The following APOB variants were observed in gnomAD, a reference collection of about 807,000 sequenced individuals.
The protein encoded by APOB is apolipoprotein B-100.
A neutral mutation model predicts 314.1 loss-of-function variants in APOB; 153 were observed. The observed-to-expected ratio is 0.49, with a 90% confidence interval of 0.43 to 0.56. APOB has a LOEUF of 0.56. APOB is among the 20% of genes least tolerant of loss of function. The pLI, the probability that APOB is intolerant of heterozygous loss-of-function variation, is 0.00. For synonymous variants in APOB, 2,087 were observed against 2,036.4 expected (o/e 1.02, Z -0.67); for missense variants, 5,430 against 5,350.7 (o/e 1.01, Z -0.46).
chr2:21,029,933 T>C lies in APOB; in HGVS notation c.1435A>G (p.Thr479Ala). ...AAATAGGTGTAATCTTCATCCCCAG[T>C]GCAGTCATCTTGAATCTGTTCCATC... ...YLMEQIQDDCTGDEDYTYLIL... is the reference protein window; with the variant it reads ...YLMEQIQDDCAGDEDYTYLIL... Residue 479 changes from threonine (T) to alanine (A), a missense_variant, in exon 11 of 29, where the codon ACT becomes GCT. By Grantham distance (58) the Thr-to-Ala change is moderately conservative (BLOSUM62 0). Transcript: ENST00000233242. The C allele has an allele frequency of 6.2e-7, 1 of 1,614,032 alleles. No homozygotes were observed. Among genetic ancestry groups the C allele is most frequent in the Non-Finnish European group, 8.5e-7 (1 of 1,179,902 alleles).
intron 20 of APOB, 126 bp downstream of exon 20, chr2:21,018,866 G>T: frequency 1.4e-6 from 2 of 1,389,262 alleles, no homozygotes; most frequent in Non-Finnish European, 1.0e-6. Flanking sequence ...CTTAGAATAG[G>T]CCTGCCGCTT....
intron 5 of APOB, 39 bp from the exon 6 acceptor site, chr2:21,037,294 G>C: frequency 6.2e-7 from 1 of 1,605,862 alleles, no homozygotes; most frequent in Non-Finnish European, 8.5e-7. Context: ...TATTCAACAC[G>C]GGCAACATCC....
rs1015327299 is a variant in APOB at position 21,007,699 on chromosome 2, T to G, written c.9169A>C (p.Lys3057Gln). 1 of 1,614,090 alleles carries G rather than the reference T, an allele frequency of 6.2e-7. No homozygotes were observed. The highest frequency in any genetic ancestry group is 8.5e-7 in the Non-Finnish European group (1 of 1,179,956). Residue 3057 changes from lysine to glutamine, a missense_variant, in exon 26 of 29, where the codon AAA (lysine) becomes CAA (glutamine). Physicochemically the swap from Lys to Gln is moderately conservative, Grantham distance 53. This residue lies in a region of APOB where 3,281 missense variants were observed against 3,171.0 expected (regional missense o/e 1.03). Transcript: ENST00000233242. ...TASTNNEGNLKVRFPLRLTGK... is the reference protein window; with the variant it reads ...TASTNNEGNLQVRFPLRLTGK... ...GTTAACCTTAATGGAAAACGAACTT[T>G]CAAATTCCCTTCATTGTTTGTGGAT... is the stretch of plus-strand genomic sequence containing the variant.
chr2:21,019,948 A>G, intron 18 of APOB, 43 bp from the exon 19 acceptor site: 1 of 1,594,332 alleles, frequency 6.3e-7, no homozygotes. Flanking sequence ...CAAGTCATGA[A>G]TCAAAATGGA....
chr2:21,002,316 TC>T lies in APOB; in HGVS notation c.13105del (p.Glu4369LysfsTer25), dbSNP rs1663005062. 1 of 1,613,010 alleles carries T rather than the reference TC, an allele frequency of 6.2e-7. No homozygotes were observed. The highest frequency in any genetic ancestry group is 8.5e-7 in the Non-Finnish European group (1 of 1,179,774). ...GATCTGCTGTAACTCTTGAGAAGCT[TC>T]CTGAAGCTCGTTTTGAATAAATTCA... ...FNEFIQNELQEASQELQQIHQ... is the reference protein window; with the variant it reads ...FNEFIQNELQXASQELQQIHQ... On this transcript the variant is annotated frameshift_variant, in exon 29 of 29. Coordinates refer to ENST00000233242, the MANE Select transcript of APOB (RefSeq NM_000384.3). LOFTEE classifies it low-confidence loss of function (END_TRUNC).
At position 21,011,146 on chromosome 2, in the gene APOB, C is replaced by A. The variant is rs751368655; in HGVS notation, c.5722G>T (p.Asp1908Tyr). Residue 1908 changes from aspartate (D) to tyrosine (Y), a missense_variant, in exon 26 of 29, where the codon GAT (aspartate) becomes TAT (tyrosine). This residue lies in a region of APOB where 3,281 missense variants were observed against 3,171.0 expected (regional missense o/e 1.03). Transcript: ENST00000233242. ...SVMAPFTMTI[D>Y]AHTNGNGKLA... ...TTCCCATTGCCATTTGTATGTGCAT[C>A]GATGGTCATGGTAAACGGGGCCATT... The A allele has an allele frequency of 2.5e-6, 4 of 1,614,050 alleles. No individual in the cohort carries two copies. Among genetic ancestry groups the A allele is most frequent in the Non-Finnish European group, 3.4e-6 (4 of 1,180,024 alleles).
chr2:21,010,439 AGTCAGTTTCTCCTTGGCATGTGAAACTT>A lies in APOB; in HGVS notation c.6401_6428del (p.Gln2134LeufsTer18). The A allele has an allele frequency of 2.5e-6, 4 of 1,606,400 alleles. No individual in the cohort carries two copies. The highest frequency in any genetic ancestry group is 3.4e-6 in the Non-Finnish European group (4 of 1,174,866). On this transcript the variant is annotated frameshift_variant, in exon 26 of 29. Coordinates refer to ENST00000233242, the MANE Select transcript of APOB (RefSeq NM_000384.3). LOFTEE classifies it high-confidence loss of function. The stretch of plus-strand genomic sequence containing the variant: ...TAATTCTATACTTTTTTGTGAGAGC[AGTCAGTTTCTCCTTGGCATGTGAAACTT>A]GTCTCTCCCAATTGAATGAATTCAG...
intron 18 of APOB, among the ~76,000 whole-genome samples, chr2:21,021,383 T>C (rs1663602867): frequency 6.6e-6 from 1 of 152,224 alleles, no homozygotes; most frequent in African/African-American, 2.4e-5. Context: ...CATAGGATCG[T>C]AAGAGATGTC....
intron 12 of APOB, 80 bp downstream of exon 12, chr2:21,029,559 T>C (rs770049846): frequency 1.4e-4 from 214 of 1,489,098 alleles, no homozygotes; most frequent in Non-Finnish European, 1.9e-4. Context: ...GTAGATGAAA[T>C]CTAGAGTCTC....
At position 21,027,917 on chromosome 2, in the gene APOB, T is replaced by C. The variant is rs374486080; in HGVS notation, c.1978A>G (p.Ile660Val). 1 of 1,614,038 alleles carries C rather than the reference T, an allele frequency of 6.2e-7. No homozygotes were observed. ...GGAAGGTAGTTATTTGGATCAAATA[T>C]AAGATTCCCTTCTATTTTGGCTGAG... ...PASAKIEGNL[I>V]FDPNNYLPKE... The change falls in exon 14 of 29, where the codon ATA (isoleucine) becomes GTA (valine). Residue 660 changes from isoleucine to valine, a missense_variant. By Grantham distance (29) the Ile-to-Val change is conservative. This residue lies in a region of APOB where 2,085 missense variants were observed against 2,079.7 expected (regional missense o/e 1.00). Transcript: ENST00000233242.
rs144806800 is a variant in APOB, at chr2:21,022,956, A to C, written c.2691T>G (p.Ser897Arg). ...MGIIIPDFAR[S>R]GVQMNTNFFH... Reference sequence around the variant, plus strand: ...AGAAGTTGGTGTTCATCTGGACCCCACTCCTAGCGAAGTCCGGAATGATGA... The same window carrying C: ...AGAAGTTGGTGTTCATCTGGACCCCCCTCCTAGCGAAGTCCGGAATGATGA... The change falls in exon 18 of 29, where the codon AGT becomes AGG. Residue 897 changes from serine (S) to arginine (R), a missense_variant. Around this residue, in one of 3 missense-constraint regions of APOB, gnomAD observed 2,085 missense variants for 2,079.7 expected, o/e 1.00. Coordinates refer to ENST00000233242, the MANE Select transcript of APOB (RefSeq NM_000384.3). The C allele has an allele frequency of 1.2e-6, 2 of 1,613,946 alleles. No individual in the cohort carries two copies. Among genetic ancestry groups the C allele is most frequent in the Non-Finnish European group, 1.7e-6 (2 of 1,179,992 alleles).
rs776046125 is a variant in APOB, at chr2:21,028,052, C to T, written c.1843G>A (p.Val615Met). 79 of 1,608,382 alleles carry T rather than the reference C, an allele frequency of 4.9e-5. No individual in the cohort carries two copies. Among genetic ancestry groups the T allele is most frequent in the Non-Finnish European group, 6.5e-5 (76 of 1,174,910 alleles). Residue 615 changes from valine (V) to methionine (M), a missense_variant, in exon 14 of 29, where the codon GTG becomes ATG. By Grantham distance (21) the Val-to-Met change is conservative. Transcript: ENST00000233242. ...ELDIQDLKKLVKEALKESQLP... is the reference protein window; with the variant it reads ...ELDIQDLKKLMKEALKESQLP... ...TGAGATTCTTTCAGAGCTTCTTTCA[C>T]TAACTTTTTCAGACTAGATAAGAAG...
Position 21,028,305 on chromosome 2 carries a change from G to A in APOB, c.1829+22C>T, listed in dbSNP as rs1663790878. ...CAGCTCAGGGCCCTCAGTGGTATAT[G>A]GGGTGAATAGCTCTTACTTACTCTT... On this transcript the variant is annotated intron_variant, in intron 13 of 28. Coordinates refer to ENST00000233242, the MANE Select transcript of APOB (RefSeq NM_000384.3). 13 of 1,587,722 alleles carry A rather than the reference G, an allele frequency of 8.2e-6. No homozygotes were observed. In the East Asian group the frequency reaches 2.7e-4, roughly 33 times the overall value.
At position 21,028,085 on chromosome 2, in the gene APOB, T is replaced by C; in HGVS notation, c.1830-20A>G. ...TTCAGACTAGATAAGAAGAAGTATA[T>C]TTTGAGCTGACACACCATGTTATTA... On this transcript the variant is annotated intron_variant, in intron 13 of 28. Transcript: ENST00000233242. 1 of 1,528,318 alleles carries C rather than the reference T, an allele frequency of 6.5e-7. No homozygotes were observed. The highest frequency in any genetic ancestry group is 9.1e-7 in the Non-Finnish European group (1 of 1,101,774). 94.7% of individuals were successfully genotyped at this position (1,528,318 alleles called of 1,614,324 possible). A position where few individuals can be genotyped will look rare whatever the true frequency, so the allele number is the denominator to read the frequency against.
intron 10 of APOB, among the ~76,000 whole-genome samples, chr2:21,031,268 C>T (rs1447731288): frequency 1.3e-5 from 2 of 152,088 alleles, no homozygotes; most frequent in East Asian, 3.8e-4. Flanking sequence ...TACTATTCGG[C>T]CATAAAAAGA....
rs1181455621 is a variant in APOB at position 21,039,676 on chromosome 2, T to C, written c.383+1262A>G. Among the ~76,000 whole-genome samples the C allele has an allele frequency of 5.7e-4, 87 of 152,226 alleles. 1 individual carries two copies. The highest frequency in any genetic ancestry group is 5.7e-3 in the Admixed American group (87 of 15,286). On this transcript the variant is annotated intron_variant, in intron 4 of 28. Coordinates refer to ENST00000233242, the MANE Select transcript of APOB (RefSeq NM_000384.3). Reference sequence around the variant, plus strand: ...AATATGTATAATTATTGTATGTCAATTTTTAAAAAAGACAGTTAAAGTCAT... The same window carrying C: ...AATATGTATAATTATTGTATGTCAACTTTTAAAAAAGACAGTTAAAGTCAT...
Position 21,013,527 on chromosome 2 carries a change from G to A in APOB, c.3849C>T (p.Gly1283=), listed in dbSNP as rs1663389705. Residue 1283 remains glycine (G), a synonymous_variant, in exon 25 of 29, where the codon GGC becomes GGT. Transcript: ENST00000233242. ...TCTTGTTCAAGGTATATTTGACCCG[G>A]CCATCGCTGAAATGAACAACAAAGA... is the stretch of plus-strand genomic sequence containing the variant. The part of the protein sequence containing the change: ...IPENLFLKSD[G]RVKYTLNKNS... 1.9e-6 allele frequency: 3 copies of A among 1,613,956 alleles called. No individual in the cohort carries two copies. Among genetic ancestry groups the A allele is most frequent in the South Asian group, 2.2e-5 (2 of 91,066 alleles).
intron 9 of APOB, 139 bp downstream of exon 9, chr2:21,033,160 G>A: frequency 1.4e-6 from 1 of 706,236 alleles, no homozygotes; most frequent in South Asian, 1.6e-5. Context: ...TCTCTATCCA[G>A]CAATCATGAA....
intron 23 of APOB, 42 bp from the exon 24 acceptor site, chr2:21,014,635 GA>G (rs1558566822): frequency 5.0e-6 from 8 of 1,609,022 alleles, no homozygotes; most frequent in Non-Finnish European, 8.5e-7. Flanking sequence ...GGGCTTGGAT[GA>G]GCCTCAAAGA....
Sources: allele counts gnomAD v4.1 joint callset (sites outside exome capture counted in the v4.1 genomes callset), GRCh38; gene constraint gnomAD v4.1.1; regional missense constraint gnomAD v4.1.1; transcripts MANE v1.5; gene names NCBI Gene and HGNC (gene_info 2026-07-23, HGNC 2026-07-21).